CD2AP: variants seen among roughly 807,000 people sequenced by gnomAD.
The protein encoded by CD2AP is CD2-associated protein.
Under a neutral mutation model 85.1 loss-of-function variants are expected in CD2AP, and 46 were observed. The observed-to-expected ratio is 0.54, with a 90% CI of 0.43 to 0.69. The LOEUF is 0.69. CD2AP is among the 30% of genes least tolerant of loss of function. The pLI is 0.00. For missense variants in CD2AP, 769 were observed against 729.5 expected (o/e 1.05, Z -0.62); for synonymous variants, 255 against 252.9 (o/e 1.01, Z -0.08).
intron 5 of CD2AP, among the ~76,000 whole-genome samples, chr6:47,556,209 GC>G (rs1582554550): frequency 8.4e-6 from 1 of 118,874 alleles, no homozygotes; most frequent in Non-Finnish European, 1.8e-5. Context: ...TTCCCCTTGC[GC>G]CCCCCTCACC....
chr6:47,503,560 T>C, intron 2 of CD2AP, 120 bp downstream of exon 2: 1 of 939,108 alleles, frequency 1.1e-6, no homozygotes, highest in Non-Finnish European at 1.6e-6. Context: ...TTGTAACATT[T>C]AAGAAAATAG....
intron 5 of CD2AP, among the ~76,000 whole-genome samples, chr6:47,560,579 C>T (rs1440040381): frequency 3.3e-5 from 5 of 152,022 alleles, no homozygotes; most frequent in South Asian, 4.2e-4. Context: ...CTTTTTCCCC[C>T]GATTCCTCAT....
chr6:47,594,741 C>T (rs1282963580), intron 11 of CD2AP, among the ~76,000 whole-genome samples: 1 of 151,740 alleles, frequency 6.6e-6, no homozygotes, highest in Non-Finnish European at 1.5e-5. Context: ...AAATGATGAC[C>T]AGAATTTTAT....
At chr6:47,549,789 A>T (rs1315106421) in intron 4 of CD2AP, among the ~76,000 whole-genome samples, 1 of 152,198 alleles carries the variant, frequency 6.6e-6, no homozygotes, top group East Asian at 1.9e-4. Context: ...TGGAGACCTC[A>T]CATTACCTGA....
At chr6:47,621,105 C>T (rs1202461555) in intron 17 of CD2AP, among the ~76,000 whole-genome samples, 1 of 152,182 alleles carries the variant, frequency 6.6e-6, no homozygotes, top group Non-Finnish European at 1.5e-5. Context: ...TGAGAGCAGA[C>T]ATCCTTGTCC....
intron 5 of CD2AP, among the ~76,000 whole-genome samples, chr6:47,558,990 C>G (rs1767771103): frequency 6.6e-6 from 1 of 152,096 alleles, no homozygotes; most frequent in Non-Finnish European, 1.5e-5. Context: ...TAATTACTGC[C>G]TCAATTTCAA....
intron 2 of CD2AP, among the ~76,000 whole-genome samples, chr6:47,507,552 G>T (rs1766204980): frequency 6.6e-6 from 1 of 152,016 alleles, no homozygotes; most frequent in African/African-American, 2.4e-5. Context: ...CGCCTCCCTA[G>T]TTCAAGCGAT....
At position 47,599,392 on chromosome 6, in the gene CD2AP, C is replaced by T; in HGVS notation, c.1366C>T (p.Pro456Ser). ...KLDSEQLPLRPKSVDFDSLTV... is the reference protein window; with the variant it reads ...KLDSEQLPLRSKSVDFDSLTV... The stretch of plus-strand genomic sequence containing the variant: ...AGATTCTGAACAGCTGCCCCTTAGA[C>T]CAAAATCAGTAGACTTTGATTCACT... Residue 456 changes from proline to serine, a missense_variant, in exon 13 of 18, where the codon CCA becomes TCA. Coordinates refer to ENST00000359314, the MANE Select transcript of CD2AP (RefSeq NM_012120.3). 2 of 1,611,988 alleles carry T rather than the reference C, an allele frequency of 1.2e-6. No homozygotes were observed. Among genetic ancestry groups the T allele is most frequent in the Non-Finnish European group, 1.7e-6 (2 of 1,178,882 alleles).
chr6:47,599,062 A>G (rs1046452640), intron 12 of CD2AP, among the ~76,000 whole-genome samples: 1 of 146,734 alleles, frequency 6.8e-6, no homozygotes, highest in Non-Finnish European at 1.6e-5. Context: ...CTGTATACTA[A>G]TATCTGTTGA....
chr6:47,500,712 G>A (rs182407721), intron 1 of CD2AP, among the ~76,000 whole-genome samples: 4 of 151,104 alleles, frequency 2.6e-5, no homozygotes, highest in Admixed American at 2.6e-4. Flanking sequence ...TCTCATTAAA[G>A]AACATCCAGA....
At chr6:47,554,844 A>T in intron 5 of CD2AP, 78 bp downstream of exon 5, 1 of 1,398,250 alleles carries the variant, frequency 7.2e-7, no homozygotes, top group East Asian at 2.5e-5. Flanking sequence ...GTATTTTTTG[A>T]AACTCTGTTC....
intron 1 of CD2AP, among the ~76,000 whole-genome samples, chr6:47,484,280 A>G (rs1471464819): frequency 6.6e-6 from 1 of 151,946 alleles, no homozygotes; most frequent in East Asian, 1.9e-4. Context: ...CTTGGTTTTA[A>G]CCACAAATGA....
intron 2 of CD2AP, among the ~76,000 whole-genome samples, chr6:47,518,152 A>G (rs1766501012): frequency 6.6e-6 from 1 of 152,164 alleles, no homozygotes; most frequent in Non-Finnish European, 1.5e-5. Flanking sequence ...TTCTGAGGAA[A>G]ATGGGAGACT....
chr6:47,587,701 A>C (rs1400721946), intron 11 of CD2AP, among the ~76,000 whole-genome samples: 1 of 152,176 alleles, frequency 6.6e-6, no homozygotes, highest in Non-Finnish European at 1.5e-5. Context: ...TTATTTTGGA[A>C]TGCAAGTAGG....
intron 17 of CD2AP, among the ~76,000 whole-genome samples, chr6:47,621,859 C>A (rs1347714291): frequency 1.3e-5 from 2 of 152,010 alleles, no homozygotes; most frequent in Non-Finnish European, 2.9e-5. Flanking sequence ...CTTGAATGAT[C>A]TTTTGTGTCA....
chr6:47,576,474 T>G, intron 6 of CD2AP, 50 bp from the exon 7 acceptor site: 3 of 1,204,194 alleles, frequency 2.5e-6, no homozygotes, highest in East Asian at 2.3e-5. Flanking sequence ...TTTAACAGTA[T>G]TATCTTTATT....
intron 2 of CD2AP, among the ~76,000 whole-genome samples, chr6:47,503,809 A>G (rs1766059820): frequency 6.6e-6 from 1 of 152,226 alleles, no homozygotes; most frequent in South Asian, 2.1e-4. Context: ...GTTATGACAG[A>G]TAGTAGCCCC....
chr6:47,567,329 G>A (rs2114085614), intron 5 of CD2AP, among the ~76,000 whole-genome samples: 1 of 152,128 alleles, frequency 6.6e-6, no homozygotes, highest in African/African-American at 2.4e-5. Flanking sequence ...GTCAAAGCCG[G>A]CAAAGGGAAA....
intron 5 of CD2AP, chr6:47,562,908 A>AG: frequency 3.0e-6 from 2 of 671,586 alleles, no homozygotes; most frequent in East Asian, 5.1e-5. Flanking sequence ...TAAAATTGAC[A>AG]GAGAGAGAAA....
Sources: gnomAD v4.1 joint callset for allele counts (sites outside exome capture counted in the v4.1 genomes callset) on GRCh38, gnomAD v4.1.1 for gene constraint, MANE v1.5 for transcripts, NCBI Gene and HGNC (gene_info 2026-07-23, HGNC 2026-07-21) for gene names.